Variants in GSDME observed in about 807,000 individuals in gnomAD.
GSDME encodes gasdermin E.
In GSDME, 44 loss-of-function variants were observed where a neutral mutation model predicts 47.5. The ratio of observed to expected loss-of-function variants is 0.93; its 90% confidence interval spans 0.73 to 1.19. GSDME has a LOEUF of 1.19. Ranked by LOEUF, GSDME falls within the 50% of genes most tolerant of loss-of-function variation. The pLI is 0.00. For missense variants in GSDME, 663 were observed against 604.2 expected (o/e 1.10, Z -1.02); for synonymous variants, 258 against 252.8 (o/e 1.02, Z -0.20).
At chr7:24,771,086 A>G in the GSDME span, among the ~76,000 whole-genome samples, 1 of 152,210 alleles carries the variant, frequency 6.6e-6, no homozygotes, top group South Asian at 2.1e-4. This position sits in a 1 kb window ranked among gnomAD's most constrained non-coding sequence, Gnocchi z 4.1. Flanking sequence ...AAAAAAACTA[A>G]AGCTAGGCGT....
At chr7:24,703,566 G>C (rs1788967426) in intron 8 of GSDME, 1 of 153,644 alleles carries the variant, frequency 6.5e-6, no homozygotes, top group African/African-American at 2.4e-5. Context: ...GAGCTGAAAA[G>C]GCAAAAAAGA....
chr7:24,764,432 C>T, the GSDME span, among the ~76,000 whole-genome samples: 1 of 152,164 alleles, frequency 6.6e-6, no homozygotes, highest in Non-Finnish European at 1.5e-5. This position sits in a 1 kb window ranked among gnomAD's most constrained non-coding sequence, Gnocchi z 4.4. Flanking sequence ...CCCCAAAGAA[C>T]TGTACCTGTC....
intron 9 of GSDME, among the ~76,000 whole-genome samples, chr7:24,699,881 T>C (rs1788792331): frequency 6.6e-6 from 1 of 152,202 alleles, no homozygotes; most frequent in African/African-American, 2.4e-5. Flanking sequence ...ACTGAAGATA[T>C]TAGAACTTTC....
chr7:24,763,721 AGAAAT>A, the GSDME span, among the ~76,000 whole-genome samples: 1 of 152,258 alleles, frequency 6.6e-6, no homozygotes, highest in Non-Finnish European at 1.5e-5. The surrounding 1 kb of genome is among the most constrained non-coding windows in gnomAD (Gnocchi z 4.3). Flanking sequence ...TCCTTTGGCC[AGAAAT>A]CAGTCACAGA....
intron 1 of GSDME, among the ~76,000 whole-genome samples, chr7:24,752,567 G>A (rs1489835218): frequency 6.6e-6 from 1 of 152,196 alleles, no homozygotes; most frequent in Non-Finnish European, 1.5e-5. Context: ...GCTCCCTGGG[G>A]TGTCATGCTG....
In GSDME at chr7:24,730,012, A is replaced by T. The variant is rs2237319; in HGVS notation, c.405-10794T>A. On this transcript the variant is annotated intron_variant, in intron 3 of 9. Coordinates refer to ENST00000645220, the MANE Select transcript of GSDME (RefSeq NM_001127453.2). ...TATTTAAGAGGCAGAATCAACTGGT[A>T]AGAGACAAGGTGTGGGAGAGAAGGT... is the stretch of plus-strand genomic sequence containing the variant. Among the ~76,000 whole-genome samples the T allele has an allele frequency of 3.2e-3, 494 of 152,316 alleles. 8 individuals are homozygous for T. In the East Asian group the frequency reaches 0.038, roughly 12 times the overall value.
In GSDME at chr7:24,716,987, G is replaced by A. The variant is rs1468197480; in HGVS notation, c.697+267C>T. On this transcript the variant is annotated intron_variant, in intron 5 of 9. Coordinates refer to ENST00000645220, the MANE Select transcript of GSDME (RefSeq NM_001127453.2). This position sits in a 1 kb window ranked among gnomAD's most constrained non-coding sequence, Gnocchi z 4.5. ...GTTGATGCCCAGAGGACACAGCCCA[G>A]CCCTCTACTGTGCTGGTGGAACTTT... 1.0e-5 allele frequency: 5 copies of A among 489,702 alleles called. No homozygotes were observed. The East Asian group carries it at 2.0e-4, about 20-fold the overall frequency. The allele number at this position is 489,702 out of a possible 1,614,324, so 30.3% of individuals were successfully genotyped here.
chr7:24,707,152 T>G, intron 7 of GSDME: 1 of 367,814 alleles, frequency 2.7e-6, no homozygotes, highest in Non-Finnish European at 5.4e-6. Flanking sequence ...CCAGGCTCTT[T>G]CGGCACAATC....
At chr7:24,700,079 AC>A (rs1471499753) in intron 9 of GSDME, among the ~76,000 whole-genome samples, 1 of 151,738 alleles carries the variant, frequency 6.6e-6, no homozygotes, top group Non-Finnish European at 1.5e-5. Context: ...CCATCTAGCT[AC>A]CCCCAGCCCC....
At chr7:24,784,532 A>G in the GSDME span, among the ~76,000 whole-genome samples, 1 of 152,010 alleles carries the variant, frequency 6.6e-6, no homozygotes, top group East Asian at 1.9e-4. Flanking sequence ...GATGTTCAAG[A>G]GCTGGAAGCA....
chr7:24,768,942 A>C, the GSDME span, among the ~76,000 whole-genome samples: 2 of 152,232 alleles, frequency 1.3e-5, no homozygotes, highest in African/African-American at 4.8e-5. This position sits in a 1 kb window ranked among gnomAD's most constrained non-coding sequence, Gnocchi z 5.6. Context: ...TGTCCTAGGC[A>C]CTGGAGATAC....
chr7:24,763,495 G>C, the GSDME span, among the ~76,000 whole-genome samples: 20 of 152,140 alleles, frequency 1.3e-4, no homozygotes, highest in South Asian at 2.3e-3. This position sits in a 1 kb window ranked among gnomAD's most constrained non-coding sequence, Gnocchi z 4.3. Flanking sequence ...CGTGTAGACA[G>C]CATGGATATG....
At chr7:24,768,532 G>T in the GSDME span, among the ~76,000 whole-genome samples, 19 of 152,156 alleles carry the variant, frequency 1.2e-4, no homozygotes, top group Non-Finnish European at 2.5e-4. This position sits in a 1 kb window ranked among gnomAD's most constrained non-coding sequence, Gnocchi z 5.6. Context: ...CATTCAAATG[G>T]GCCTAGCCAA....
intron 5 of GSDME, chr7:24,715,588 G>A (rs1490665013): frequency 2.2e-6 from 1 of 444,926 alleles, no homozygotes; most frequent in African/African-American, 2.0e-5. Context: ...AAACCCAAAA[G>A]TGCAGATGGT....
chr7:24,768,965 C>T, the GSDME span, among the ~76,000 whole-genome samples: 1 of 152,230 alleles, frequency 6.6e-6, no homozygotes, highest in African/African-American at 2.4e-5. This position sits in a 1 kb window ranked among gnomAD's most constrained non-coding sequence, Gnocchi z 5.6. Context: ...CCAGGAATAA[C>T]AGACACAAAC....
chr7:24,713,984 G>C (rs1417555254), intron 5 of GSDME, among the ~76,000 whole-genome samples: 1 of 152,236 alleles, frequency 6.6e-6, no homozygotes, highest in Non-Finnish European at 1.5e-5. Flanking sequence ...GAAGCAGGGA[G>C]ATGGTGTTAG....
intron 5 of GSDME, among the ~76,000 whole-genome samples, chr7:24,715,830 C>T (rs1306347324): frequency 2.0e-5 from 3 of 152,178 alleles, no homozygotes; most frequent in Non-Finnish European, 2.9e-5. Flanking sequence ...TTCAAACTGA[C>T]ACTTTCTCTT....
rs563267637 is a variant in GSDME, at chr7:24,742,640, C to T, written c.404+1922G>A. On this transcript the variant is annotated intron_variant, in intron 3 of 9. Transcript: ENST00000645220. The surrounding 1 kb of genome is among the most constrained non-coding windows in gnomAD (Gnocchi z 4.4). ...TATATCGAGAAATGTGATTATAGGACATTGCCAAACTGTGCTTCTTGAAAT... is the reference window on the plus strand; with the variant it reads ...TATATCGAGAAATGTGATTATAGGATATTGCCAAACTGTGCTTCTTGAAAT... 6.6e-6 allele frequency among the ~76,000 whole-genome samples: 1 copy of T among 152,192 alleles called. No individual in the cohort carries two copies. Among genetic ancestry groups the T allele is most frequent in the East Asian group, 1.9e-4 (1 of 5,198 alleles).
chr7:24,740,472 C>T (rs556066319), intron 3 of GSDME, among the ~76,000 whole-genome samples: 30 of 151,870 alleles, frequency 2.0e-4, no homozygotes, highest in African/African-American at 7.0e-4. Flanking sequence ...TTTAAAATAA[C>T]TAAAACTGTA....
Sources: allele counts gnomAD v4.1 joint callset (sites outside exome capture counted in the v4.1 genomes callset), GRCh38; gene constraint gnomAD v4.1.1; non-coding constraint Gnocchi (gnomAD v3.1); transcripts MANE v1.5; gene names NCBI Gene and HGNC (gene_info 2026-07-23, HGNC 2026-07-21).